NEK1: variants seen among roughly 807,000 people sequenced by gnomAD.
NEK1 encodes the protein serine/threonine-protein kinase Nek1.
NEK1 carries 137 observed loss-of-function variants against 182.1 expected under a neutral mutation model. The ratio of observed to expected loss-of-function variants is 0.75; its 90% CI spans 0.65 to 0.87. The LOEUF is 0.87. Ranked by LOEUF, NEK1 falls within the 40% of genes least tolerant of loss-of-function variation. NEK1 has a pLI of 0.00. For synonymous variants in NEK1, 513 were observed against 492.2 expected (o/e 1.04, Z -0.56); for missense variants, 1,391 against 1,494.4 (o/e 0.93, Z 1.14).
chr4:169,409,455 T>C (rs1020984105), intron 31 of NEK1, among the ~76,000 whole-genome samples: 2 of 151,508 alleles, frequency 1.3e-5, no homozygotes, highest in South Asian at 4.2e-4. Context: ...CTTACCTGTT[T>C]TTGGACTTCT....
At position 169,400,509 on chromosome 4, in the gene NEK1, C is replaced by T; in HGVS notation, c.3714+12G>A. 6.3e-7 allele frequency: 1 copy of T among 1,593,170 alleles called. No individual in the cohort carries two copies. Among genetic ancestry groups the T allele is most frequent in the Non-Finnish European group, 8.5e-7 (1 of 1,172,190 alleles). ...AGCACATTTTAAGTGTTTTAATTGA[C>T]TTTTCACTTACCTTTATTTTCTCAT... On this transcript the variant is annotated intron_variant, in intron 34 of 35. Transcript: ENST00000507142.
At chr4:169,546,101 G>T (rs1277459824) in intron 18 of NEK1, among the ~76,000 whole-genome samples, 1 of 152,096 alleles carries the variant, frequency 6.6e-6, no homozygotes, top group Non-Finnish European at 1.5e-5. Flanking sequence ...GATCTTTCCC[G>T]CTTTCTCCTG....
At chr4:169,537,761 T>C (rs896103620) in intron 19 of NEK1, 48 bp downstream of exon 19, 12 of 1,373,462 alleles carry the variant, frequency 8.7e-6, no homozygotes, top group Non-Finnish European at 1.2e-5. Flanking sequence ...AGACCTTCAC[T>C]TGGAATACTA....
At chr4:169,548,408 A>C (rs1217494954) in intron 18 of NEK1, among the ~76,000 whole-genome samples, 2 of 152,072 alleles carry the variant, frequency 1.3e-5, no homozygotes, top group Admixed American at 1.3e-4. Flanking sequence ...GTCGGCCCCT[A>C]CTGGGGAGGT....
chr4:169,553,081 T>C (rs933466670), intron 18 of NEK1, among the ~76,000 whole-genome samples: 1 of 152,096 alleles, frequency 6.6e-6, no homozygotes, highest in Admixed American at 6.6e-5. Context: ...TTATAAAGCT[T>C]ATATGGAAAG....
In NEK1 at chr4:169,498,232, C is replaced by T. The variant is rs543841531; in HGVS notation, c.2007+8805G>A. Among the ~76,000 whole-genome samples the T allele has an allele frequency of 5.9e-5, 9 of 152,250 alleles. No individual in the cohort carries two copies. In the South Asian group the frequency reaches 6.2e-4, roughly 11 times the overall value. ...TCAGAGACTAGGATTGCAACCCCTG[C>T]CTTTTTTTGTTTTCCATTTGCTTGG... On this transcript the variant is annotated intron_variant, in intron 23 of 35. Coordinates refer to ENST00000507142, the MANE Select transcript of NEK1 (RefSeq NM_001199397.3).
intron 26 of NEK1, among the ~76,000 whole-genome samples, chr4:169,466,735 C>T (rs1179803060): frequency 6.6e-6 from 1 of 151,890 alleles, no homozygotes; most frequent in East Asian, 1.9e-4. Context: ...AAAAATGATA[C>T]AAAATAGATA....
chr4:169,531,165 T>C (rs1757616303), intron 19 of NEK1, among the ~76,000 whole-genome samples: 1 of 151,954 alleles, frequency 6.6e-6, no homozygotes, highest in South Asian at 2.1e-4. Context: ...TGTGGTATCG[T>C]GGAAGAAGGA....
intron 29 of NEK1, among the ~76,000 whole-genome samples, chr4:169,431,550 A>T (rs10084932): frequency 0.72 from 109,839 of 151,822 alleles, 41,864 homozygotes; most frequent in Middle Eastern, 0.88. Context: ...GTATACAAAC[A>T]GACTCAAATC....
intron 31 of NEK1, among the ~76,000 whole-genome samples, chr4:169,419,214 T>A (rs1255535975): frequency 1.3e-5 from 2 of 151,894 alleles, no homozygotes. Context: ...TACATGAAGA[T>A]AAGAAAGCTC....
At chr4:169,549,026 C>T (rs1001105075) in intron 18 of NEK1, among the ~76,000 whole-genome samples, 3 of 152,182 alleles carry the variant, frequency 2.0e-5, no homozygotes, top group Non-Finnish European at 2.9e-5. Context: ...TGAAAAAAAA[C>T]TCCTTTGGCT....
Position 169,508,774 on chromosome 4 carries a change from C to T in NEK1, c.1744G>A (p.Glu582Lys). Residue 582 changes from glutamate (E) to lysine (K), a missense_variant, in exon 20 of 36, where the codon GAA becomes AAA. Around this residue, in one of 5 missense-constraint regions of NEK1, gnomAD observed 1,216 missense variants for 1,277.6 expected, o/e 0.95. Coordinates refer to ENST00000507142, the MANE Select transcript of NEK1 (RefSeq NM_001199397.3). ...SRGGKPRNKEEEVYLARLRQI... is the reference protein window; with the variant it reads ...SRGGKPRNKEKEVYLARLRQI... ...CGAACATGCGGGAAGCATACCTCTTCCTCTTTGTTTCTTGGCTTCCCTCCT... is the reference window on the plus strand; with the variant it reads ...CGAACATGCGGGAAGCATACCTCTTTCTCTTTGTTTCTTGGCTTCCCTCCT... The T allele has an allele frequency of 6.3e-7, 1 of 1,578,530 alleles. No homozygotes were observed. The highest frequency in any genetic ancestry group is 1.3e-5 in the African/African-American group (1 of 74,818).
intron 2 of NEK1, among the ~76,000 whole-genome samples, chr4:169,606,365 C>T (rs1771339837): frequency 6.6e-6 from 1 of 151,370 alleles, no homozygotes; most frequent in Admixed American, 6.6e-5. Context: ...AACAGCAATA[C>T]AGTTCTAGAA....
intron 26 of NEK1, among the ~76,000 whole-genome samples, chr4:169,469,919 T>C (rs1745616499): frequency 6.6e-6 from 1 of 151,870 alleles, no homozygotes; most frequent in African/African-American, 2.4e-5. Context: ...AAGTCTGTTT[T>C]ATCAGAGACT....
chr4:169,449,499 TG>T (rs1442110180), intron 27 of NEK1, among the ~76,000 whole-genome samples: 1 of 152,190 alleles, frequency 6.6e-6, no homozygotes, highest in Non-Finnish European at 1.5e-5. Context: ...CTTCAATATT[TG>T]CTGTTCTGCA....
intron 10 of NEK1, among the ~76,000 whole-genome samples, chr4:169,582,589 G>A (rs1766841557): frequency 6.6e-6 from 1 of 152,040 alleles, no homozygotes; most frequent in South Asian, 2.1e-4. Flanking sequence ...GGTGGTTTAT[G>A]ATCTCCATCT....
intron 31 of NEK1, among the ~76,000 whole-genome samples, chr4:169,420,406 G>A (rs1024152769): frequency 2.0e-5 from 3 of 152,178 alleles, no homozygotes; most frequent in African/African-American, 4.8e-5. Context: ...AATTATTATT[G>A]TTGTCAAGCA....
intron 23 of NEK1, among the ~76,000 whole-genome samples, chr4:169,495,977 T>C (rs1751183196): frequency 1.3e-5 from 2 of 152,202 alleles, no homozygotes; most frequent in African/African-American, 4.8e-5. Flanking sequence ...GCATTGAATC[T>C]ATAAATTACC....
At chr4:169,451,290 T>C (rs944363653) in intron 27 of NEK1, among the ~76,000 whole-genome samples, 6 of 152,302 alleles carry the variant, frequency 3.9e-5, no homozygotes, top group East Asian at 1.9e-4. Flanking sequence ...GCAGACCTAA[T>C]AGACATCTAC....
Sources: allele counts gnomAD v4.1 joint callset (sites outside exome capture counted in the v4.1 genomes callset), GRCh38; gene constraint gnomAD v4.1.1; regional missense constraint gnomAD v4.1.1; transcripts MANE v1.5; gene names NCBI Gene and HGNC (gene_info 2026-07-23, HGNC 2026-07-21).